BTD: variants seen among roughly 807,000 people sequenced by gnomAD.
BTD encodes the protein biotinidase.
BTD carries 13 observed loss-of-function variants against 17.7 expected under a neutral mutation model. The ratio of observed to expected loss-of-function variants is 0.74; its 90% CI spans 0.48 to 1.17. The LOEUF is 1.17. Among genes scored for constraint, BTD ranks in the 50% most tolerant of loss-of-function variants. BTD has a pLI of 0.00. For synonymous variants in BTD, 240 were observed against 245.2 expected, an observed-to-expected ratio of 0.98 and a Z score of 0.20; for missense variants, 674 against 650.4, an observed-to-expected ratio of 1.04 and a Z score of -0.39.
intron 3 of BTD, chr3:15,676,979 C>T: frequency 6.2e-7 from 1 of 1,612,436 alleles, no homozygotes; most frequent in Non-Finnish European, 8.5e-7. Context: ...CTCACGTTTG[C>T]AAGGCTGCGT....
intron 3 of BTD, among the ~76,000 whole-genome samples, chr3:15,688,146 A>G (rs980046999): frequency 2.0e-5 from 3 of 152,216 alleles, no homozygotes; most frequent in African/African-American, 7.2e-5. Context: ...TCTCAGTTCA[A>G]TATTTACCTA....
At chr3:15,621,601 C>CT (rs150832946) in intron 1 of BTD, among the ~76,000 whole-genome samples, 3,769 of 149,006 alleles carry the variant, frequency 0.025, 157 homozygotes, top group African/African-American at 0.086. Context: ...TTATCATTTT[C>CT]TTTTTTTTTT....
chr3:15,638,256 C>A (rs999432704), intron 2 of BTD, among the ~76,000 whole-genome samples: 1 of 152,166 alleles, frequency 6.6e-6, no homozygotes. Flanking sequence ...CAGAAAACAT[C>A]AGCTAAGAAA....
chr3:15,720,679 C>T (rs982346614), intron 4 of BTD, among the ~76,000 whole-genome samples: 3 of 151,946 alleles, frequency 2.0e-5, no homozygotes, highest in African/African-American at 7.3e-5. Context: ...TGATTTTTTT[C>T]AATTATAGAT....
chr3:15,712,568 A>G (rs537313332), exon 4 of BTD, among the ~76,000 whole-genome samples: 44 of 152,320 alleles, frequency 2.9e-4, no homozygotes, highest in African/African-American at 1.1e-3. Flanking sequence ...CCAAATTGTG[A>G]CAACCAAAAA....
chr3:15,654,283 C>T (rs2065848449), downstream of BTD, among the ~76,000 whole-genome samples: 2 of 152,248 alleles, frequency 1.3e-5, no homozygotes, highest in South Asian at 2.1e-4. Context: ...GTTCTGCAGG[C>T]TCTGCAGGCT....
chr3:15,677,494 A>C (rs769436794), intron 3 of BTD: 1 of 1,612,200 alleles, frequency 6.2e-7, no homozygotes, highest in Non-Finnish European at 8.5e-7. Context: ...CTACAAGCCA[A>C]ATGGAGGGCA....
Position 15,635,504 on chromosome 3 carries a change from C to T in BTD, c.65C>T (p.Ala22Val). ...GGCTGTTACGTGGTTGCCCTGGGAG[C>T]CCACACCGGGGAGGAGAGCGTGGCT... ...LCGCYVVALG[A>V]HTGEESVADH... is the part of the protein sequence containing the mutation. Residue 22 changes from alanine (A) to valine (V), a missense_variant, in exon 2 of 4, where the codon GCC becomes GTC. Ala to Val is a moderately conservative substitution (Grantham distance 64). Coordinates refer to ENST00000643237, the MANE Select transcript of BTD (RefSeq NM_001370658.1). This position sits in a 1 kb window ranked among gnomAD's most constrained non-coding sequence, Gnocchi z 4.1. 6.2e-7 allele frequency: 1 copy of T among 1,614,182 alleles called. No individual in the cohort carries two copies. The highest frequency in any genetic ancestry group is 8.5e-7 in the Non-Finnish European group (1 of 1,180,024).
intron 3 of BTD, among the ~76,000 whole-genome samples, chr3:15,680,354 C>T (rs149129757): frequency 7.8e-4 from 119 of 152,102 alleles, no homozygotes; most frequent in African/African-American, 2.8e-3. Context: ...CAGGCGCCCA[C>T]CACCATGCCC....
At chr3:15,663,839 T>G (rs1196889834) in intron 3 of BTD, among the ~76,000 whole-genome samples, 1 of 152,244 alleles carries the variant, frequency 6.6e-6, no homozygotes, top group Non-Finnish European at 1.5e-5. Flanking sequence ...GTCTTCTGCT[T>G]ACTTTGGATT....
At chr3:15,695,152 A>G in intron 3 of BTD, 1 of 1,540,284 alleles carries the variant, frequency 6.5e-7, no homozygotes, top group South Asian at 1.2e-5. Context: ...GAACTGACCA[A>G]TACTAATTGG....
intron 4 of BTD, among the ~76,000 whole-genome samples, chr3:15,721,744 T>C (rs919838033): frequency 6.6e-6 from 1 of 151,844 alleles, no homozygotes; most frequent in African/African-American, 2.4e-5. Flanking sequence ...TAATTAAGGG[T>C]TTTGCTTTTC....
chr3:15,643,302 A>G lies in BTD; in HGVS notation c.400-1014A>G, dbSNP rs574840224. 3.9e-5 allele frequency among the ~76,000 whole-genome samples: 6 copies of G among 152,254 alleles called. No homozygotes were observed. The South Asian group carries it at 1.2e-3, about 32-fold the overall frequency. ...GATAGCTTGAGCTCATGAGTTCAAG[A>G]CCAGCCTGGCCAACATGGTGAAACC... is the stretch of plus-strand genomic sequence containing the variant. On this transcript the variant is annotated intron_variant, in intron 3 of 3. Transcript: ENST00000643237.
At chr3:15,693,319 TGGG>T (rs200901276) in intron 3 of BTD, among the ~76,000 whole-genome samples, 2 of 150,176 alleles carry the variant, frequency 1.3e-5, no homozygotes, top group African/African-American at 2.5e-5. Flanking sequence ...AAAATAGTAA[TGGG>T]GGGGCAGAGA....
intron 1 of BTD, among the ~76,000 whole-genome samples, chr3:15,619,412 C>G (rs890064932): frequency 6.6e-6 from 1 of 152,200 alleles, no homozygotes; most frequent in Non-Finnish European, 1.5e-5. Flanking sequence ...CCTCCACCTC[C>G]TAGGCCATGT....
chr3:15,643,564 A>G (rs1003690998), intron 3 of BTD, among the ~76,000 whole-genome samples: 1 of 152,118 alleles, frequency 6.6e-6, no homozygotes, highest in Admixed American at 6.5e-5. Context: ...GAGAAATGAT[A>G]GCTATTTCAT....
At chr3:15,636,551 G>A (rs1227855150) in intron 2 of BTD, among the ~76,000 whole-genome samples, 1 of 152,154 alleles carries the variant, frequency 6.6e-6, no homozygotes, top group Admixed American at 6.5e-5. Context: ...GTGACCAAGC[G>A]CAGCTGCTTG....
intron 3 of BTD, chr3:15,678,318 T>C (rs745588421): frequency 2.4e-5 from 38 of 1,611,426 alleles, no homozygotes; most frequent in Non-Finnish European, 5.1e-6. Context: ...GTAAACACTC[T>C]ACATGGTCTG....
At chr3:15,686,946 C>CTT (rs368116430) in intron 3 of BTD, among the ~76,000 whole-genome samples, 23 of 141,030 alleles carry the variant, frequency 1.6e-4, no homozygotes, top group African/African-American at 3.9e-4. Flanking sequence ...CCTGATATTG[C>CTT]TTTTTTTTTT....
Sources: gnomAD v4.1 joint callset for allele counts (sites outside exome capture counted in the v4.1 genomes callset) on GRCh38, gnomAD v4.1.1 for gene constraint, Gnocchi (gnomAD v3.1) non-coding constraint, MANE v1.5 for transcripts, NCBI Gene and HGNC (gene_info 2026-07-23, HGNC 2026-07-21) for gene names.